The following PIK3R4 variants were observed in gnomAD, a reference collection of about 807,000 sequenced individuals.
PIK3R4 encodes the protein phosphoinositide 3-kinase regulatory subunit 4.
PIK3R4 carries 46 observed loss-of-function variants against 136.5 expected under a neutral mutation model. That is an observed-to-expected ratio of 0.34 (90% CI 0.27 to 0.43). The LOEUF (loss-of-function observed/expected upper bound fraction) is 0.43, where lower values mean the gene tolerates loss of function less well. Ranked by LOEUF, PIK3R4 falls within the 20% of genes least tolerant of loss-of-function variation. The pLI, the probability that PIK3R4 is intolerant of heterozygous loss-of-function variation, is 1.00. For synonymous variants in PIK3R4, 557 were observed against 566.7 expected (o/e 0.98, Z 0.24); for missense variants, 1,331 against 1,649.5 (o/e 0.81, Z 3.35).
chr3:130,704,685 T>C (rs1187058646), intron 12 of PIK3R4, among the ~76,000 whole-genome samples: 2 of 152,174 alleles, frequency 1.3e-5, no homozygotes, highest in African/African-American at 4.8e-5. Flanking sequence ...GTTAAGATAG[T>C]TGAGTCAGAT....
intron 7 of PIK3R4, among the ~76,000 whole-genome samples, chr3:130,721,989 T>C (rs1176218292): frequency 6.6e-6 from 1 of 152,096 alleles, no homozygotes; most frequent in Non-Finnish European, 1.5e-5. Flanking sequence ...CAAAATATCA[T>C]GTTGAACATA....
chr3:130,716,408 C>T lies in PIK3R4; in HGVS notation c.2319G>A (p.Lys773=). ...EDPAIAQLLK[K]LLSQGMTEEE... is the part of the protein sequence containing the mutation. ...AGGGTGATACAACCTGTGAGAGCAA[C>T]TTCTTCAGAAGCTGTGCTATGGCAG... The change falls in exon 9 of 20, where the codon AAG becomes AAA. Residue 773 remains lysine (K), a synonymous_variant. Coordinates refer to ENST00000356763, the MANE Select transcript of PIK3R4 (RefSeq NM_014602.3). The T allele has an allele frequency of 1.9e-6, 3 of 1,614,026 alleles. No individual in the cohort carries two copies. Among genetic ancestry groups the T allele is most frequent in the Non-Finnish European group, 1.7e-6 (2 of 1,179,922 alleles).
chr3:130,684,203 T>C, intron 16 of PIK3R4, 47 bp downstream of exon 16: 1 of 1,576,564 alleles, frequency 6.3e-7, no homozygotes. Context: ...TATTATGTAC[T>C]TTCCAAGAAA....
At chr3:130,684,460 T>G (rs2066477455) in intron 15 of PIK3R4, 79 bp from the exon 16 acceptor site, 19 of 1,273,402 alleles carry the variant, frequency 1.5e-5, no homozygotes, top group Middle Eastern at 2.0e-4. Flanking sequence ...TGAAAAATAG[T>G]ATTAGCTTTT....
intron 16 of PIK3R4, 139 bp from the exon 17 acceptor site, chr3:130,681,730 TTAA>T (rs1279174737): frequency 1.7e-6 from 1 of 572,024 alleles, no homozygotes; most frequent in South Asian, 2.4e-5. Flanking sequence ...TAATATTCAC[TTAA>T]TAATATTTAC....
intron 13 of PIK3R4, among the ~76,000 whole-genome samples, chr3:130,703,256 C>T (rs1249446387): frequency 3.9e-5 from 6 of 152,204 alleles, no homozygotes; most frequent in Non-Finnish European, 8.8e-5. Context: ...TTGCTCCAGC[C>T]ACAAAGACCT....
Position 130,679,359 on chromosome 3 carries a change from TG to T in PIK3R4, c.4032del (p.Phe1344LeufsTer3). The T allele has an allele frequency of 6.2e-7, 1 of 1,612,212 alleles. No individual in the cohort carries two copies. ...ATCCCATCTCTAGAAGCAGTTACGATGAAGCCCTGTGTGGTCTGGAATGTGG... is the reference window on the plus strand; with the variant it reads ...ATCCCATCTCTAGAAGCAGTTACGATAAGCCCTGTGTGGTCTGGAATGTGG... ...DVATFQTTQG[F>X]IVTASRDGIV... On this transcript the variant is annotated frameshift_variant, in exon 20 of 20. Coordinates refer to ENST00000356763, the MANE Select transcript of PIK3R4 (RefSeq NM_014602.3). LOFTEE classifies it high-confidence loss of function.
chr3:130,719,921 G>A (rs1288313578), intron 7 of PIK3R4, among the ~76,000 whole-genome samples: 3 of 152,148 alleles, frequency 2.0e-5, no homozygotes, highest in South Asian at 2.1e-4. Flanking sequence ...GATGTGGGTA[G>A]CTACTGCCCC....
chr3:130,728,097 TA>T (rs1367159835), intron 6 of PIK3R4, among the ~76,000 whole-genome samples: 2 of 152,212 alleles, frequency 1.3e-5, no homozygotes, highest in Non-Finnish European at 2.9e-5. Context: ...AACATGTTTA[TA>T]AACATATATG....
At chr3:130,692,152 G>A (rs1442740532) in intron 13 of PIK3R4, among the ~76,000 whole-genome samples, 5 of 151,938 alleles carry the variant, frequency 3.3e-5, no homozygotes, top group Non-Finnish European at 7.4e-5. Context: ...TGGGATTACA[G>A]GTGTGAGCCA....
At chr3:130,691,889 T>A (rs1422891173) in intron 13 of PIK3R4, among the ~76,000 whole-genome samples, 1 of 146,672 alleles carries the variant, frequency 6.8e-6, no homozygotes, top group South Asian at 2.2e-4. Context: ...TTTTTTTTTT[T>A]TCTGAGACAG....
intron 6 of PIK3R4, among the ~76,000 whole-genome samples, chr3:130,727,941 C>CAA (rs960746006): frequency 2.0e-5 from 3 of 147,632 alleles, no homozygotes; most frequent in African/African-American, 7.5e-5. Flanking sequence ...GAAAGAACAG[C>CAA]AAAAAAAAAA....
At chr3:130,727,475 G>C (rs908241546) in intron 6 of PIK3R4, among the ~76,000 whole-genome samples, 5 of 152,072 alleles carry the variant, frequency 3.3e-5, no homozygotes. Context: ...CGCCCGCCTC[G>C]GCCTCCCAAA....
At chr3:130,695,199 A>T (rs1327726724) in intron 13 of PIK3R4, among the ~76,000 whole-genome samples, 2 of 152,120 alleles carry the variant, frequency 1.3e-5, no homozygotes, top group African/African-American at 4.8e-5. Flanking sequence ...TTTTACACCT[A>T]TATTAATTAT....
intron 6 of PIK3R4, among the ~76,000 whole-genome samples, chr3:130,726,142 TTATC>T (rs1486603331): frequency 2.0e-5 from 3 of 150,296 alleles, no homozygotes; most frequent in East Asian, 3.8e-4. Context: ...AATATATAGA[TTATC>T]TATATATGAC....
chr3:130,688,720 G>T (rs2066501546), intron 14 of PIK3R4, among the ~76,000 whole-genome samples: 1 of 152,000 alleles, frequency 6.6e-6, no homozygotes, highest in African/African-American at 2.4e-5. Flanking sequence ...ACATTGGCCA[G>T]TCTCCTTTAT....
intron 4 of PIK3R4, among the ~76,000 whole-genome samples, chr3:130,730,949 G>C (rs974359660): frequency 6.6e-6 from 1 of 152,208 alleles, no homozygotes; most frequent in East Asian, 1.9e-4. Context: ...GCCTCAAAGA[G>C]AAACCATTGT....
At chr3:130,723,641 T>C (rs2066716146) in intron 6 of PIK3R4, 54 bp from the exon 7 acceptor site, 4 of 1,451,258 alleles carry the variant, frequency 2.8e-6, no homozygotes, top group Non-Finnish European at 9.4e-7. Context: ...AGTACATATA[T>C]CATTAAGTAA....
chr3:130,712,288 T>TA (rs527837347), intron 9 of PIK3R4, among the ~76,000 whole-genome samples: 36 of 146,428 alleles, frequency 2.5e-4, no homozygotes, highest in African/African-American at 4.7e-4. Flanking sequence ...AACTCTAAGC[T>TA]AAAAAAAAAA....
Sources: gnomAD v4.1 joint callset for allele counts (sites outside exome capture counted in the v4.1 genomes callset) on GRCh38, gnomAD v4.1.1 for gene constraint, MANE v1.5 for transcripts, NCBI Gene and HGNC (gene_info 2026-07-23, HGNC 2026-07-21) for gene names.